The following LSS variants were observed in gnomAD, a reference collection of about 807,000 sequenced individuals.
LSS encodes lanosterol synthase, also known as 2,3-epoxysqualene-lanosterol cyclase.
LSS carries 90 observed loss-of-function variants against 110.3 expected under a neutral mutation model. The observed-to-expected ratio is 0.82, with a 90% CI of 0.69 to 0.97. The LOEUF is 0.97. Ranked by LOEUF, LSS falls within the 50% of genes least tolerant of loss-of-function variation. LSS has a pLI of 0.00. For missense variants in LSS, 927 were observed against 990.0 expected (o/e 0.94, Z 0.85); for synonymous variants, 433 against 400.0 (o/e 1.08, Z -0.98).
At position 46,207,483 on chromosome 21, in the gene LSS, C is replaced by T; in HGVS notation, c.1412G>A (p.Cys471Tyr). 1 of 1,612,562 alleles carries T rather than the reference C, an allele frequency of 6.2e-7. No homozygotes were observed. The change falls in exon 15 of 22, where the codon TGT (cysteine) becomes TAT (tyrosine). Residue 471 changes from cysteine to tyrosine, a missense_variant. Physicochemically the swap from Cys to Tyr is radical, Grantham distance 194. Transcript: ENST00000397728. ...GGGGATGTGCTCGGTGACATGGGGACACTTCTCCTGCAGGAGCAGCACAGC... is the reference window on the plus strand; with the variant it reads ...GGGGATGTGCTCGGTGACATGGGGATACTTCTCCTGCAGGAGCAGCACAGC... ...LKAVLLLQEK[C>Y]PHVTEHIPRE...
intron 5 of LSS, 192 bp downstream of exon 5, chr21:46,221,662 C>G: frequency 1.4e-6 from 1 of 737,770 alleles, no homozygotes; most frequent in Non-Finnish European, 2.2e-6. Context: ...GTGCCTGGCT[C>G]TTAATTTGCT....
In LSS at chr21:46,216,237, A is replaced by G. The variant is rs189272278; in HGVS notation, c.783+152T>C. The G allele has an allele frequency of 4.4e-6, 4 of 908,242 alleles. No homozygotes were observed. The East Asian group carries it at 9.7e-5, about 22-fold the overall frequency. The allele number at this position is 908,242 out of a possible 1,614,324, so 56.3% of individuals were successfully genotyped here. ...GCAGAGCTTGCTCACTGTTTATTATAGGATGGAGGAAGGTGGAGGCTCTGC... is the reference window on the plus strand; with the variant it reads ...GCAGAGCTTGCTCACTGTTTATTATGGGATGGAGGAAGGTGGAGGCTCTGC... On this transcript the variant is annotated intron_variant, in intron 7 of 21. Coordinates refer to ENST00000397728, the MANE Select transcript of LSS (RefSeq NM_002340.6). The surrounding 1 kb of genome is among the most constrained non-coding windows in gnomAD (Gnocchi z 4.2).
At chr21:46,225,377 C>A (rs1409698029) in intron 3 of LSS, 4 of 452,636 alleles carry the variant, frequency 8.8e-6, no homozygotes, top group Non-Finnish European at 1.8e-5. Flanking sequence ...CGTTGCCAAG[C>A]GGACCCAACC....
At chr21:46,225,895 C>T (rs987832616) in intron 3 of LSS, among the ~76,000 whole-genome samples, 3 of 152,132 alleles carry the variant, frequency 2.0e-5, no homozygotes, top group Admixed American at 6.5e-5. Context: ...CCGGTTTCCA[C>T]GTCTTGGTGG....
At chr21:46,215,910 G>T (rs1379661473) in intron 7 of LSS, 117 bp from the exon 8 acceptor site, 2 of 664,496 alleles carry the variant, frequency 3.0e-6, no homozygotes, top group Middle Eastern at 3.6e-4. Context: ...TCCCTTCCTG[G>T]GTGGGGGTCC....
At chr21:46,207,692 C>T (rs528136961) in intron 14 of LSS, 115 bp from the exon 15 acceptor site, 5 of 1,237,412 alleles carry the variant, frequency 4.0e-6, no homozygotes, top group Admixed American at 2.3e-5. Context: ...AGGGCAGGGG[C>T]CCAGCCACCA....
chr21:46,194,851 C>T (rs531224776), intron 19 of LSS, among the ~76,000 whole-genome samples, 190 bp from the exon 20 acceptor site: 1 of 152,374 alleles, frequency 6.6e-6, no homozygotes, highest in Admixed American at 6.5e-5. Context: ...ACAGATACTC[C>T]TGCCTCCCAG....
Position 46,215,388 on chromosome 21 carries a change from T to TC in LSS, c.893-91dup, listed in dbSNP as rs5844259. 811,800 of 811,816 alleles carry TC rather than the reference T, an allele frequency of 1. 405,892 individuals carry two copies. Among genetic ancestry groups the TC allele is most frequent in the Middle Eastern group, 1 (2,830 of 2,830 alleles). The allele number at this position is 811,816 out of a possible 1,614,324, so 50.3% of individuals were successfully genotyped here. A position where few individuals can be genotyped will look rare whatever the true frequency, so the allele number is the denominator to read the frequency against. ...GCACTGCAACGCCTGGACTTGCCCT[T>TC]CCCAGGGTTTCCCCCTCCCACCCAC... On this transcript the variant is annotated intron_variant, in intron 8 of 21. Transcript: ENST00000397728.
In LSS at chr21:46,213,771, T is replaced by C. The variant is rs1255823595; in HGVS notation, c.1076A>G (p.Gln359Arg). Residue 359 changes from glutamine (Q) to arginine (R), a missense_variant, in exon 10 of 22, where the codon CAG becomes CGG. Physicochemically the swap from Gln to Arg is conservative, Grantham distance 43. Coordinates refer to ENST00000397728, the MANE Select transcript of LSS (RefSeq NM_002340.6). Reference sequence around the variant, plus strand: ...GTCCGGGATTCTGGAGACATGCTCCTGGAAGGCAGTGGAGGCGGGCCCGTC... The same window carrying C: ...GTCCGGGATTCTGGAGACATGCTCCCGGAAGGCAGTGGAGGCGGGCCCGTC... ...YVDGPASTAF[Q>R]EHVSRIPDYL... 1.2e-6 allele frequency: 2 copies of C among 1,614,102 alleles called. No homozygotes were observed. Among genetic ancestry groups the C allele is most frequent in the East Asian group, 2.2e-5 (1 of 44,882 alleles).
chr21:46,215,938 G>A (rs935205666), intron 7 of LSS, 145 bp from the exon 8 acceptor site: 7 of 598,378 alleles, frequency 1.2e-5, no homozygotes, highest in South Asian at 4.1e-5. Flanking sequence ...AACTGACCCC[G>A]AGGCCACATG....
Position 46,208,265 on chromosome 21 carries a change from G to C in LSS, c.1303C>G (p.Arg435Gly). 2 of 1,552,580 alleles carry C rather than the reference G, an allele frequency of 1.3e-6. No homozygotes were observed. Among genetic ancestry groups the C allele is most frequent in the South Asian group, 2.4e-5 (2 of 84,088 alleles). The change falls in exon 14 of 22, where the codon CGC becomes GGC. Residue 435 changes from arginine (R) to glycine (G), a missense_variant. Arg to Gly is a moderately radical substitution (Grantham distance 125, BLOSUM62 -2). Coordinates refer to ENST00000397728, the MANE Select transcript of LSS (RefSeq NM_002340.6). The part of the protein sequence containing the change: ...DNPPDYQKYY[R>G]QMRKGGFSFS... Reference sequence around the variant, plus strand: ...CTCCCGCATACCTTGCGCATCTGGCGGTAGTACTTCTGGTAGTCGGGAGGG... The same window carrying C: ...CTCCCGCATACCTTGCGCATCTGGCCGTAGTACTTCTGGTAGTCGGGAGGG...
chr21:46,191,277 C>T (rs1309310973), intron 21 of LSS, 42 bp from the exon 22 acceptor site: 4 of 1,610,896 alleles, frequency 2.5e-6, no homozygotes, highest in Non-Finnish European at 3.4e-6. Context: ...CTTCACCAGT[C>T]AGCTGAGGGC....
At chr21:46,192,601 T>C (rs1192033374) in intron 20 of LSS, 2 of 370,452 alleles carry the variant, frequency 5.4e-6, no homozygotes, top group African/African-American at 4.5e-5. Flanking sequence ...CGTATGTCTG[T>C]GTGGCACAGA....
At chr21:46,225,687 G>A (rs1028951998) in intron 3 of LSS, among the ~76,000 whole-genome samples, 1 of 152,128 alleles carries the variant, frequency 6.6e-6, no homozygotes, top group Admixed American at 6.5e-5. Flanking sequence ...CTGATATGCA[G>A]AAATAATGGC....
chr21:46,195,706 A>G lies in LSS; in HGVS notation c.1787T>C (p.Phe596Ser). The change falls in exon 19 of 22, where the codon TTC becomes TCC. Residue 596 changes from phenylalanine (F) to serine (S), a missense_variant. Physicochemically the swap from Phe to Ser is radical, Grantham distance 155. Coordinates refer to ENST00000397728, the MANE Select transcript of LSS (RefSeq NM_002340.6). The part of the protein sequence containing the change: ...TYGTWFGLEA[F>S]ACMGQTYRDG... Reference sequence around the variant, plus strand: ...TCGGTAGGTCTGCCCCATACAGGCGAAGGCCTCCAGGCCAAACCAGGTGCC... The same window carrying G: ...TCGGTAGGTCTGCCCCATACAGGCGGAGGCCTCCAGGCCAAACCAGGTGCC... 1 of 1,613,924 alleles carries G rather than the reference A, an allele frequency of 6.2e-7. No homozygotes were observed. Among genetic ancestry groups the G allele is most frequent in the Non-Finnish European group, 8.5e-7 (1 of 1,180,008 alleles).
rs1569025633 is a variant in LSS at position 46,207,487 on chromosome 21, T to G, written c.1408A>C (p.Lys470Gln). ...ALKAVLLLQE[K>Q]CPHVTEHIPR... is the part of the protein sequence containing the mutation. Reference sequence around the variant, plus strand: ...ATGTGCTCGGTGACATGGGGACACTTCTCCTGCAGGAGCAGCACAGCCTTC... The same window carrying G: ...ATGTGCTCGGTGACATGGGGACACTGCTCCTGCAGGAGCAGCACAGCCTTC... Residue 470 changes from lysine to glutamine, a missense_variant, in exon 15 of 22, where the codon AAG becomes CAG. By Grantham distance (53) the Lys-to-Gln change is moderately conservative. Transcript: ENST00000397728. 1 of 1,612,468 alleles carries G rather than the reference T, an allele frequency of 6.2e-7. No individual in the cohort carries two copies. The highest frequency in any genetic ancestry group is 1.3e-5 in the African/African-American group (1 of 75,014).
intron 17 of LSS, among the ~76,000 whole-genome samples, chr21:46,199,817 C>CGT (rs1309599894): frequency 6.6e-6 from 1 of 152,146 alleles, no homozygotes; most frequent in Non-Finnish European, 1.5e-5. Context: ...GCGGGGACAG[C>CGT]GCAGAGGACT....
chr21:46,205,571 G>A (rs1383105834), intron 17 of LSS, among the ~76,000 whole-genome samples: 2 of 152,254 alleles, frequency 1.3e-5, no homozygotes, highest in African/African-American at 4.8e-5. Context: ...CACCGGTGGA[G>A]TCAGGTATGT....
chr21:46,214,606 C>T (rs1006683620), intron 9 of LSS, among the ~76,000 whole-genome samples: 14 of 152,172 alleles, frequency 9.2e-5, no homozygotes, highest in African/African-American at 3.1e-4. Flanking sequence ...GCAGCACAGC[C>T]CAGGGCCTGC....
Sources: gnomAD v4.1 joint callset for allele counts (sites outside exome capture counted in the v4.1 genomes callset) on GRCh38, gnomAD v4.1.1 for gene constraint, Gnocchi (gnomAD v3.1) non-coding constraint, MANE v1.5 for transcripts, NCBI Gene and HGNC (gene_info 2026-07-23, HGNC 2026-07-21) for gene names.